PTPRM: variants seen among roughly 807,000 people sequenced by gnomAD.
PTPRM encodes protein tyrosine phosphatase receptor type M, also known as receptor-type tyrosine-protein phosphatase mu.
A neutral mutation model predicts 186.7 loss-of-function variants in PTPRM; 47 were observed. That is an observed-to-expected ratio of 0.25 (90% CI 0.20 to 0.32). The LOEUF (loss-of-function observed/expected upper bound fraction) is 0.32, where lower values mean the gene tolerates loss of function less well. Among genes scored for constraint, PTPRM ranks in the 10% least tolerant of loss-of-function variants. The pLI is 1.00. For synonymous variants in PTPRM, 668 were observed against 674.9 expected (o/e 0.99, Z 0.16); for missense variants, 1,494 against 1,865.0 (o/e 0.80, Z 3.66).
intron 1 of PTPRM, among the ~76,000 whole-genome samples, chr18:7,656,212 A>G (rs1240372296): frequency 6.6e-6 from 1 of 152,214 alleles, no homozygotes; most frequent in East Asian, 1.9e-4. Flanking sequence ...GATAAACAAA[A>G]TGAAGTATAT....
At chr18:8,277,365 C>T (rs184494933) in intron 19 of PTPRM, among the ~76,000 whole-genome samples, 1 of 152,232 alleles carries the variant, frequency 6.6e-6, no homozygotes. Flanking sequence ...ATAACTTTGA[C>T]TAGTTGAAGT....
chr18:8,297,710 G>T (rs2095111731), intron 20 of PTPRM, among the ~76,000 whole-genome samples: 1 of 152,190 alleles, frequency 6.6e-6, no homozygotes, highest in African/African-American at 2.4e-5. Flanking sequence ...GTGTGTTGTA[G>T]AAAAAGAAAC....
At chr18:8,338,095 A>G (rs2095450779) in intron 22 of PTPRM, among the ~76,000 whole-genome samples, 1 of 151,796 alleles carries the variant, frequency 6.6e-6, no homozygotes, top group Admixed American at 6.6e-5. Flanking sequence ...ACAGAAATGG[A>G]GTGGAGGAAA....
At chr18:7,597,152 G>C (rs890477092) in intron 1 of PTPRM, among the ~76,000 whole-genome samples, 1 of 152,072 alleles carries the variant, frequency 6.6e-6, no homozygotes, top group Admixed American at 6.6e-5. Flanking sequence ...GCCAGCCTTC[G>C]TTTATCTTTT....
At chr18:8,213,004 A>C (rs1424623920) in intron 14 of PTPRM, among the ~76,000 whole-genome samples, 1 of 152,078 alleles carries the variant, frequency 6.6e-6, no homozygotes, top group African/African-American at 2.4e-5. Context: ...AAAATAGAGA[A>C]CTCAAGCTCT....
At chr18:8,006,712 C>T (rs1283629682) in intron 7 of PTPRM, among the ~76,000 whole-genome samples, 1 of 152,206 alleles carries the variant, frequency 6.6e-6, no homozygotes, top group Non-Finnish European at 1.5e-5. Context: ...GACACTGAAG[C>T]ACCAGTCACA....
chr18:8,277,186 C>G (rs2094846661), intron 19 of PTPRM, among the ~76,000 whole-genome samples: 1 of 152,190 alleles, frequency 6.6e-6, no homozygotes, highest in Admixed American at 6.5e-5. Context: ...AGCCACCCAT[C>G]TTGGCCTCCC....
At chr18:7,721,847 T>G (rs1468412755) in intron 1 of PTPRM, among the ~76,000 whole-genome samples, 2 of 152,198 alleles carry the variant, frequency 1.3e-5, no homozygotes, top group African/African-American at 4.8e-5. Flanking sequence ...TTTGATTTTA[T>G]TTTTTAAGAA....
intron 1 of PTPRM, among the ~76,000 whole-genome samples, chr18:7,632,309 A>G (rs1398954511): frequency 6.6e-6 from 1 of 152,238 alleles, no homozygotes; most frequent in Non-Finnish European, 1.5e-5. Context: ...ATGATGTTAT[A>G]TGCTCATTTT....
intron 14 of PTPRM, among the ~76,000 whole-genome samples, chr18:8,231,228 A>G (rs1755038062): frequency 6.6e-6 from 1 of 152,180 alleles, no homozygotes; most frequent in African/African-American, 2.4e-5. Flanking sequence ...GGTGGGGGTA[A>G]TCAGGCTCTG....
At chr18:7,955,459 G>A (rs1238414784) in intron 7 of PTPRM, 45 bp downstream of exon 7, 2 of 1,568,082 alleles carry the variant, frequency 1.3e-6, no homozygotes, top group Non-Finnish European at 1.7e-6. Flanking sequence ...GTCTTTCCTG[G>A]TGTTGACTGG....
At chr18:7,842,182 T>C (rs1053663080) in intron 2 of PTPRM, among the ~76,000 whole-genome samples, 6 of 152,208 alleles carry the variant, frequency 3.9e-5, no homozygotes, top group Non-Finnish European at 5.9e-5. Context: ...AACCTCTGGT[T>C]TATAAGGTTA....
chr18:7,896,922 C>T (rs553849722), intron 3 of PTPRM, among the ~76,000 whole-genome samples: 1 of 152,324 alleles, frequency 6.6e-6, no homozygotes, highest in African/African-American at 2.4e-5. Context: ...TAGCTCGGTG[C>T]CTGTTTCTTT....
chr18:7,965,255 A>G (rs2053958238), intron 7 of PTPRM, among the ~76,000 whole-genome samples: 1 of 152,128 alleles, frequency 6.6e-6, no homozygotes, highest in Non-Finnish European at 1.5e-5. Context: ...CATGTTAATC[A>G]GGCTGGTAGT....
chr18:8,219,222 C>T (rs1568544855), intron 14 of PTPRM, among the ~76,000 whole-genome samples: 1 of 152,216 alleles, frequency 6.6e-6, no homozygotes, highest in Non-Finnish European at 1.5e-5. Context: ...AATCCCAGCA[C>T]TTTGGGAGGC....
At position 7,952,094 on chromosome 18, in the gene PTPRM, T is replaced by C. The variant is rs151049383; in HGVS notation, c.838+2739T>C. Among the ~76,000 whole-genome samples, 504 of 152,342 alleles carry C rather than the reference T, an allele frequency of 3.3e-3. 3 individuals are homozygous for C. The highest frequency in any genetic ancestry group is 0.011 in the African/African-American group (475 of 41,584). ...CACAATGCATGTATATATGCATATA[T>C]ATATCAATACCCTATTTAGTTACGT... On this transcript the variant is annotated intron_variant, in intron 6 of 32. Coordinates refer to ENST00000580170, the MANE Select transcript of PTPRM (RefSeq NM_001105244.2).
chr18:8,202,272 C>G (rs925611691), intron 14 of PTPRM, among the ~76,000 whole-genome samples: 5 of 152,188 alleles, frequency 3.3e-5, no homozygotes, highest in Admixed American at 6.5e-5. Context: ...TTTCCCAGCC[C>G]TCCCTTGGCA....
intron 2 of PTPRM, among the ~76,000 whole-genome samples, chr18:7,865,715 G>A (rs899554183): frequency 3.3e-5 from 5 of 152,130 alleles, no homozygotes; most frequent in African/African-American, 1.2e-4. Flanking sequence ...GAGTTACGGA[G>A]GATTCCTTCT....
At chr18:7,807,481 A>G (rs1235476819) in intron 2 of PTPRM, among the ~76,000 whole-genome samples, 1 of 152,054 alleles carries the variant, frequency 6.6e-6, no homozygotes, top group African/African-American at 2.4e-5. Context: ...TATTTATCCA[A>G]CCCCCACCAC....
Sources: allele counts gnomAD v4.1 joint callset (sites outside exome capture counted in the v4.1 genomes callset), GRCh38; gene constraint gnomAD v4.1.1; transcripts MANE v1.5; gene names NCBI Gene and HGNC (gene_info 2026-07-23, HGNC 2026-07-21).